The following CHL1 variants were observed in gnomAD, a reference collection of about 807,000 sequenced individuals.
CHL1 encodes cell adhesion molecule L1 like.
CHL1 carries 96 observed loss-of-function variants against 141.9 expected under a neutral mutation model. That is an observed-to-expected ratio of 0.68 (90% CI 0.57 to 0.80). CHL1 has a LOEUF of 0.80. Ranked by LOEUF, CHL1 falls within the 30% of genes least tolerant of loss-of-function variation. The pLI is 0.00. For missense variants in CHL1, 1,820 were observed against 1,457.2 expected (o/e 1.25, Z -4.05); for synonymous variants, 613 against 502.2 (o/e 1.22, Z -2.95).
At chr3:220,447 A>G (rs983259012) in intron 1 of CHL1, among the ~76,000 whole-genome samples, 4 of 152,116 alleles carry the variant, frequency 2.6e-5, no homozygotes, top group African/African-American at 9.7e-5. Flanking sequence ...CCTGGGCCAC[A>G]TTGGAAGAAG....
intron 2 of CHL1, among the ~76,000 whole-genome samples, chr3:258,818 A>AG (rs1345701822): frequency 6.6e-6 from 1 of 151,678 alleles, no homozygotes; most frequent in Non-Finnish European, 1.5e-5. Context: ...CCATACCCTA[A>AG]GGTTACTAAC....
intron 5 of CHL1, 97 bp from the exon 6 acceptor site, chr3:340,697 A>T: frequency 9.8e-7 from 1 of 1,020,408 alleles, no homozygotes; most frequent in Non-Finnish European, 1.4e-6. Flanking sequence ...ATTTATTTAA[A>T]TTGCTGAATT....
intron 15 of CHL1, among the ~76,000 whole-genome samples, chr3:368,060 A>C (rs1166044767): frequency 6.6e-6 from 1 of 152,112 alleles, no homozygotes; most frequent in African/African-American, 2.4e-5. Context: ...ATAAACATAT[A>C]TGTGTATGTG....
At chr3:336,479 T>C (rs1025205199) in intron 5 of CHL1, among the ~76,000 whole-genome samples, 1 of 152,172 alleles carries the variant, frequency 6.6e-6, no homozygotes. Context: ...CATGATGGGA[T>C]TACACAGCTT....
At chr3:338,214 G>A (rs748046292) in intron 5 of CHL1, among the ~76,000 whole-genome samples, 1 of 152,210 alleles carries the variant, frequency 6.6e-6, no homozygotes. Context: ...TCAGGATCAA[G>A]TCCAGTCTTG....
chr3:259,273 C>T (rs1267169520), intron 2 of CHL1, among the ~76,000 whole-genome samples: 9 of 151,466 alleles, frequency 5.9e-5, no homozygotes, highest in Admixed American at 5.3e-4. Context: ...TGTGTGCACA[C>T]GTGCGTGTGT....
At chr3:198,457 G>A (rs1698607546) in intron 1 of CHL1, among the ~76,000 whole-genome samples, 1 of 152,164 alleles carries the variant, frequency 6.6e-6, no homozygotes, top group Admixed American at 6.5e-5. Flanking sequence ...CTCCCGGGAC[G>A]CCCACGTGGC....
chr3:244,851 T>C (rs1693009879), intron 2 of CHL1, among the ~76,000 whole-genome samples, 159 bp downstream of exon 2: 1 of 152,210 alleles, frequency 6.6e-6, no homozygotes, highest in Non-Finnish European at 1.5e-5. Flanking sequence ...AGATATATCA[T>C]ATAGTGAAGG....
intron 2 of CHL1, among the ~76,000 whole-genome samples, chr3:295,455 C>T (rs1310270747): frequency 3.9e-5 from 6 of 152,110 alleles, no homozygotes; most frequent in African/African-American, 1.4e-4. Context: ...ATACAATCAT[C>T]AGAGCAACAA....
At chr3:382,901 A>G (rs1045020339) in intron 18 of CHL1, among the ~76,000 whole-genome samples, 1 of 152,144 alleles carries the variant, frequency 6.6e-6, no homozygotes. Flanking sequence ...AAAAAAAAAC[A>G]TTACTTTCAG....
At position 408,631 on chromosome 3, in the gene CHL1, C is replaced by A. The variant is rs1709676669; in HGVS notation, c.*2920C>A. 2 of 152,066 alleles carry A rather than the reference C, an allele frequency of 1.3e-5. No individual in the cohort carries two copies. The highest frequency in any genetic ancestry group is 4.1e-4 in the South Asian group (2 of 4,828). The allele number at this position is 152,066 out of a possible 1,614,324, so 9.4% of individuals were successfully genotyped here. A position where few individuals can be genotyped will look rare whatever the true frequency, so the allele number is the denominator to read the frequency against. ...CCCCACATACCAACTCAACTTTTTTCCTGTGAACACATAAATATATTTTTA... is the reference window on the plus strand; with the variant it reads ...CCCCACATACCAACTCAACTTTTTTACTGTGAACACATAAATATATTTTTA... On this transcript the variant is annotated 3_prime_UTR_variant, in exon 28 of 28. Transcript: ENST00000256509.
chr3:305,967 G>A (rs1396293020), intron 2 of CHL1, among the ~76,000 whole-genome samples: 1 of 152,090 alleles, frequency 6.6e-6, no homozygotes, highest in Non-Finnish European at 1.5e-5. Flanking sequence ...TTAAACATGT[G>A]TATTTAAGTA....
chr3:224,803 T>C (rs1246777762), intron 1 of CHL1, among the ~76,000 whole-genome samples: 2 of 152,210 alleles, frequency 1.3e-5, no homozygotes, highest in African/African-American at 4.8e-5. Flanking sequence ...CTACATCAAA[T>C]TGAGGGTTTG....
intron 1 of CHL1, among the ~76,000 whole-genome samples, chr3:229,532 A>G (rs921890634): frequency 6.6e-6 from 1 of 152,218 alleles, no homozygotes; most frequent in African/African-American, 2.4e-5. Context: ...GGCTAAGCAG[A>G]ACTCAGTCCA....
chr3:229,020 G>A (rs1356599294), intron 1 of CHL1, among the ~76,000 whole-genome samples: 1 of 152,144 alleles, frequency 6.6e-6, no homozygotes, highest in African/African-American at 2.4e-5. Context: ...GTTATCAGCA[G>A]CCCTGCGGTG....
chr3:349,009 ACTTGGAAAATAT>A (rs984203107), intron 9 of CHL1, among the ~76,000 whole-genome samples: 2 of 152,240 alleles, frequency 1.3e-5, no homozygotes, highest in African/African-American at 4.8e-5. Context: ...AGATTTTCAC[ACTTGGAAAATAT>A]CTTGGTAATA....
Position 361,679 on chromosome 3 carries a change from T to C in CHL1, c.1307-20T>C, listed in dbSNP as rs745337477. 10 of 1,551,398 alleles carry C rather than the reference T, an allele frequency of 6.4e-6. No homozygotes were observed. Among genetic ancestry groups the C allele is most frequent in the Middle Eastern group, 1.7e-4 (1 of 5,906 alleles). On this transcript the variant is annotated intron_variant, in intron 12 of 27. Coordinates refer to ENST00000256509, the MANE Select transcript of CHL1 (RefSeq NM_006614.4). ...TCTTCCACAAAAGTTTAAAACTGCG[T>C]TTATGTTATTTTCAAATAGATGTCC...
Position 366,059 on chromosome 3 carries a change from G to T in CHL1, c.1695G>T (p.Lys565Asn), listed in dbSNP as rs1332939843. The change falls in exon 15 of 28, where the codon AAG becomes AAT. Residue 565 changes from lysine (K) to asparagine (N), a missense_variant. Coordinates refer to ENST00000256509, the MANE Select transcript of CHL1 (RefSeq NM_006614.4). ...ACTCACATTTGAAACACAGTTTGAA[G>T]TTGTCCTGGAGTAAAGATGGAGAAG... ...KCDSHLKHSL[K>N]LSWSKDGEAF... is the part of the protein sequence containing the mutation. The T allele has an allele frequency of 1.9e-6, 3 of 1,613,838 alleles. No individual in the cohort carries two copies. In the African/African-American group the frequency reaches 4.0e-5, roughly 22 times the overall value.
At chr3:276,700 T>TA (rs1559369494) in intron 2 of CHL1, among the ~76,000 whole-genome samples, 1 of 151,692 alleles carries the variant, frequency 6.6e-6, no homozygotes, top group Non-Finnish European at 1.5e-5. Context: ...CCGTCCTGGC[T>TA]AACAGGGTGA....
Sources: gnomAD v4.1 joint callset for allele counts (sites outside exome capture counted in the v4.1 genomes callset) on GRCh38, gnomAD v4.1.1 for gene constraint, MANE v1.5 for transcripts, NCBI Gene and HGNC (gene_info 2026-07-23, HGNC 2026-07-21) for gene names.